Variants in MGAT4C observed in about 807,000 individuals in gnomAD.
MGAT4C encodes the protein alpha-1,3-mannosyl-glycoprotein 4-beta-N-acetylglucosaminyltransferase C.
In MGAT4C, 19 loss-of-function variants were observed where a neutral mutation model predicts 40.1. That is an observed-to-expected ratio of 0.47 (90% CI 0.33 to 0.70). The LOEUF is 0.70. Among genes scored for constraint, MGAT4C ranks in the 30% least tolerant of loss-of-function variants. The pLI, the probability that MGAT4C is intolerant of heterozygous loss-of-function variation, is 0.02. For synonymous variants in MGAT4C, 181 were observed against 187.1 expected, an observed-to-expected ratio of 0.97 and a Z score of 0.27; for missense variants, 491 against 563.2, an observed-to-expected ratio of 0.87 and a Z score of 1.30.
chr12:86,186,135 T>A (rs941378708), intron 1 of MGAT4C, among the ~76,000 whole-genome samples: 2 of 152,150 alleles, frequency 1.3e-5, no homozygotes, highest in African/African-American at 4.8e-5. Flanking sequence ...ACCTGTTGGA[T>A]AGACTAATCA....
Position 86,390,964 on chromosome 12 carries a change from T to TCC in MGAT4C, c.-120+44191_-120+44192dup, listed in dbSNP as rs1377830658. 3.9e-5 allele frequency among the ~76,000 whole-genome samples: 6 copies of TCC among 152,330 alleles called. No homozygotes were observed. The East Asian group carries it at 1.2e-3, about 29-fold the overall frequency. ...CATGCATTAATCTCATGGAAATATT[T>TCC]CCTATGAATAAACATATCTGATTTC... On this transcript the variant is annotated intron_variant, in intron 3 of 7. Coordinates refer to the MGAT4C transcript ENST00000548651.
chr12:86,453,994 C>T (rs1293639301), intron 2 of MGAT4C, among the ~76,000 whole-genome samples: 2 of 152,062 alleles, frequency 1.3e-5, no homozygotes, highest in East Asian at 3.9e-4. Context: ...AAGAAGCTGG[C>T]ATGGCCAAAC....
intron 2 of MGAT4C, among the ~76,000 whole-genome samples, chr12:86,033,671 C>T (rs967356810): frequency 6.7e-6 from 1 of 149,482 alleles, no homozygotes; most frequent in Non-Finnish European, 1.5e-5. Context: ...ATGGGGTTTT[C>T]TAGGTATAAA....
chr12:86,814,897 G>A (rs538880741), intron 1 of MGAT4C, among the ~76,000 whole-genome samples: 12 of 152,108 alleles, frequency 7.9e-5, no homozygotes, highest in African/African-American at 2.9e-4. Context: ...TTTCCAGCTC[G>A]CAGAACAGTG....
chr12:86,559,814 A>C (rs937835779), intron 2 of MGAT4C, among the ~76,000 whole-genome samples: 3 of 152,008 alleles, frequency 2.0e-5, no homozygotes, highest in Non-Finnish European at 4.4e-5. Flanking sequence ...GCAAAACTAA[A>C]TTAGAGAATA....
chr12:86,731,905 T>G (rs1249112012), intron 1 of MGAT4C, among the ~76,000 whole-genome samples: 3 of 152,116 alleles, frequency 2.0e-5, no homozygotes, highest in Non-Finnish European at 4.4e-5. Flanking sequence ...TCCCCCTTCA[T>G]TCAGCACTAG....
Position 86,148,222 on chromosome 12 carries a change from C to T in MGAT4C, c.-56-98499G>A, listed in dbSNP as rs902535951. 3.3e-5 allele frequency among the ~76,000 whole-genome samples: 5 copies of T among 152,146 alleles called. No individual in the cohort carries two copies. In the East Asian group the frequency reaches 7.7e-4, roughly 23 times the overall value. On this transcript the variant is annotated intron_variant, in intron 1 of 4. Coordinates refer to ENST00000611864, the MANE Select transcript of MGAT4C (RefSeq NM_001351288.2). ...AGAGTGAAAGGAGAGAACCAGGAAT[C>T]ATTAAGCCTAGTACCATAATGAAAT...
At chr12:86,771,651 A>G (rs1475348337) in intron 1 of MGAT4C, among the ~76,000 whole-genome samples, 1 of 151,766 alleles carries the variant, frequency 6.6e-6, no homozygotes, top group Non-Finnish European at 1.5e-5. Flanking sequence ...GTTTGAGACC[A>G]ACTTGTTTAT....
chr12:86,229,336 T>C (rs959175638), intron 1 of MGAT4C, among the ~76,000 whole-genome samples: 15 of 151,850 alleles, frequency 9.9e-5, no homozygotes, highest in Non-Finnish European at 7.4e-5. Flanking sequence ...TTTTCTTTGT[T>C]CTCATGAAAA....
chr12:86,442,261 T>A (rs1056195011), intron 2 of MGAT4C, among the ~76,000 whole-genome samples: 2 of 152,200 alleles, frequency 1.3e-5, no homozygotes, highest in African/African-American at 4.8e-5. Flanking sequence ...GTCAGATGGG[T>A]AGATTGCAAC....
rs191709798 is a variant in MGAT4C at position 86,709,301 on chromosome 12, C to T, written c.-229+17908G>A. ...CATGATTGTCAGGCTTCCCCAGCCA[C>T]GTGGAACTGTAAGTCCATTAAACCT... On this transcript the variant is annotated intron_variant, in intron 2 of 7. Coordinates refer to the MGAT4C transcript ENST00000548651. 7.2e-3 allele frequency among the ~76,000 whole-genome samples: 1,090 copies of T among 152,260 alleles called. 12 individuals carry two copies. The highest frequency in any genetic ancestry group is 0.013 in the Non-Finnish European group (859 of 68,000).
intron 2 of MGAT4C, among the ~76,000 whole-genome samples, chr12:86,003,738 G>C (rs1887588960): frequency 7.2e-6 from 1 of 138,168 alleles, no homozygotes; most frequent in African/African-American, 2.6e-5. Flanking sequence ...GTGAAGTTGT[G>C]AAGTTTTGTG....
At chr12:86,492,728 T>C (rs1592913965) in intron 2 of MGAT4C, among the ~76,000 whole-genome samples, 1 of 152,150 alleles carries the variant, frequency 6.6e-6, no homozygotes, top group South Asian at 2.1e-4. Context: ...ATTCAGGACA[T>C]AGGCATGGGC....
intron 2 of MGAT4C, among the ~76,000 whole-genome samples, chr12:86,601,740 G>A (rs1399178621): frequency 6.6e-6 from 1 of 152,112 alleles, no homozygotes; most frequent in African/African-American, 2.4e-5. Context: ...CCACCCAACC[G>A]GGAAGAAGTG....
At chr12:86,555,464 CTA>C (rs1959564126) in intron 2 of MGAT4C, among the ~76,000 whole-genome samples, 2 of 152,084 alleles carry the variant, frequency 1.3e-5, no homozygotes, top group African/African-American at 4.8e-5. Context: ...GGTCCAGGGT[CTA>C]AAACCCTTTG....
At chr12:86,730,380 C>T (rs1950888705) in intron 1 of MGAT4C, among the ~76,000 whole-genome samples, 1 of 99,310 alleles carries the variant, frequency 1.0e-5, no homozygotes, top group Admixed American at 1.3e-4. Context: ...GTCATATCAT[C>T]TTTTTCAAGG....
At chr12:86,486,080 A>C (rs532343344) in intron 2 of MGAT4C, among the ~76,000 whole-genome samples, 1 of 152,276 alleles carries the variant, frequency 6.6e-6, no homozygotes, top group East Asian at 1.9e-4. Context: ...TAAACATGGA[A>C]GCAAAAGAAC....
At chr12:86,718,813 G>C (rs779708410) in intron 2 of MGAT4C, among the ~76,000 whole-genome samples, 1 of 152,106 alleles carries the variant, frequency 6.6e-6, no homozygotes, top group Non-Finnish European at 1.5e-5. Flanking sequence ...ACTAATGTCT[G>C]TTTATCTGAG....
intron 3 of MGAT4C, among the ~76,000 whole-genome samples, chr12:86,409,252 G>A (rs1429310777): frequency 6.6e-6 from 1 of 152,060 alleles, no homozygotes; most frequent in Non-Finnish European, 1.5e-5. Context: ...TTTTAGGAAT[G>A]GTAATAGGTG....
Sources: allele counts gnomAD v4.1 joint callset (sites outside exome capture counted in the v4.1 genomes callset), GRCh38; gene constraint gnomAD v4.1.1; transcripts MANE v1.5; gene names NCBI Gene and HGNC (gene_info 2026-07-23, HGNC 2026-07-21).